Variants in BRPF3 observed in about 807,000 individuals in gnomAD.
BRPF3 encodes bromodomain and PHD finger containing 3.
A neutral mutation model predicts 102.0 loss-of-function variants in BRPF3; 18 were observed. That is an observed-to-expected ratio of 0.18 (90% CI 0.12 to 0.26). The LOEUF (loss-of-function observed/expected upper bound fraction) is 0.26, where lower values mean the gene tolerates loss of function less well. BRPF3 is among the 10% of genes least tolerant of loss of function. The pLI, the probability that BRPF3 is intolerant of heterozygous loss-of-function variation, is 1.00. For missense variants in BRPF3, 1,147 were observed against 1,567.8 expected, an observed-to-expected ratio of 0.73 and a Z score of 4.53; for synonymous variants, 570 against 614.2, an observed-to-expected ratio of 0.93 and a Z score of 1.06.
At chr6:36,215,062 G>A (rs898392909) in intron 8 of BRPF3, among the ~76,000 whole-genome samples, 1 of 152,116 alleles carries the variant, frequency 6.6e-6, no homozygotes, top group Non-Finnish European at 1.5e-5. Context: ...GGGGTGGGGT[G>A]AGGTGGTGAT....
chr6:36,211,152 C>G (rs1362400332), intron 6 of BRPF3, 106 bp from the exon 7 acceptor site: 2 of 1,300,556 alleles, frequency 1.5e-6, no homozygotes, highest in Non-Finnish European at 2.1e-6. Flanking sequence ...GCTGCTGGCC[C>G]AGGCATTCCA....
At chr6:36,219,710 A>G (rs1216719508) in intron 9 of BRPF3, among the ~76,000 whole-genome samples, 3 of 152,112 alleles carry the variant, frequency 2.0e-5, no homozygotes, top group Admixed American at 1.3e-4. Flanking sequence ...AAAATAGGAG[A>G]TCCAAAGGCT....
rs1768051499 is a variant in BRPF3 at position 36,210,208 on chromosome 6, A to G, written c.1867-8A>G. ...GTTGTTGTAATTGTACAGGTTTTAT[A>G]TGTTTAGGTTCCAGATTACCTGGAA... On this transcript the variant is annotated splice_region_variant and splice_polypyrimidine_tract_variant and intron_variant, in intron 5 of 12. Coordinates refer to ENST00000357641, the MANE Select transcript of BRPF3 (RefSeq NM_015695.3). This position sits in a 1 kb window ranked among gnomAD's most constrained non-coding sequence, Gnocchi z 4.7. 6.2e-7 allele frequency: 1 copy of G among 1,613,954 alleles called. No individual in the cohort carries two copies. The highest frequency in any genetic ancestry group is 8.5e-7 in the Non-Finnish European group (1 of 1,179,872).
chr6:36,215,357 G>A lies in BRPF3; in HGVS notation c.2989+971G>A, dbSNP rs527364403. 1.6e-3 allele frequency among the ~76,000 whole-genome samples: 247 copies of A among 152,250 alleles called. 5 individuals carry two copies. Among genetic ancestry groups the A allele is most frequent in the Admixed American group, 8.8e-3 (134 of 15,292 alleles). ...TCACCTGACCTCAAGTGATTTGCCC[G>A]CCTCAGCCTCCCAAAGTGATGGGAT... On this transcript the variant is annotated intron_variant, in intron 8 of 12. Transcript: ENST00000357641.
rs905467249 is a variant in BRPF3 at position 36,224,564 on chromosome 6, G to A, written c.3182-703G>A. Among the ~76,000 whole-genome samples the A allele has an allele frequency of 3.3e-5, 5 of 152,206 alleles. No individual in the cohort carries two copies. The East Asian group carries it at 9.6e-4, about 29-fold the overall frequency. On this transcript the variant is annotated intron_variant, in intron 10 of 12. Transcript: ENST00000357641. ...GTCCTAGATGGCTAGGTGTGACCCT[G>A]TCAGAAAATAACTCAGTTAGCAAGT... is the stretch of plus-strand genomic sequence containing the variant.
chr6:36,217,859 A>G lies in BRPF3; in HGVS notation c.2990-58A>G. ...TCCTGAGGTGGCTGCCTCACCCTGTAGCATGTGTTGGGAAGGGGGATTTCT... is the reference window on the plus strand; with the variant it reads ...TCCTGAGGTGGCTGCCTCACCCTGTGGCATGTGTTGGGAAGGGGGATTTCT... On this transcript the variant is annotated intron_variant, in intron 8 of 12. Coordinates refer to ENST00000357641, the MANE Select transcript of BRPF3 (RefSeq NM_015695.3). 2.0e-6 allele frequency: 3 copies of G among 1,503,436 alleles called. No individual in the cohort carries two copies. In the South Asian group the frequency reaches 3.5e-5, roughly 18 times the overall value. The allele number at this position is 1,503,436 out of a possible 1,614,324, so 93.1% of individuals were successfully genotyped here.
At position 36,200,880 on chromosome 6, in the gene BRPF3, G is replaced by C; in HGVS notation, c.558G>C (p.Leu186=). The change falls in exon 2 of 13, where the codon CTG becomes CTC. Residue 186 remains leucine, a synonymous_variant. Coordinates refer to ENST00000357641, the MANE Select transcript of BRPF3 (RefSeq NM_015695.3). The surrounding 1 kb of genome is among the most constrained non-coding windows in gnomAD (Gnocchi z 5.3). The part of the protein sequence containing the change: ...HSLVSADTFE[L]LVDRLEKESY... ...TGGTGTCTGCAGATACCTTTGAGCT[G>C]CTGGTAGACCGGCTTGAGAAAGAGT... The C allele has an allele frequency of 6.2e-7, 1 of 1,614,214 alleles. No homozygotes were observed. The highest frequency in any genetic ancestry group is 1.6e-4 in the Middle Eastern group (1 of 6,062).
At position 36,201,502 on chromosome 6, in the gene BRPF3, G is replaced by A; in HGVS notation, c.1180G>A (p.Ala394Thr). The A allele has an allele frequency of 6.2e-7, 1 of 1,614,236 alleles. No homozygotes were observed. The highest frequency in any genetic ancestry group is 2.2e-5 in the East Asian group (1 of 44,880). ...CCACTCGCCACCAGGTGCGGCCACT[G>A]CTAGGAGGAAGGGCGACTCCCCTAG... Reference protein sequence around the residue: ...EAHSPPGAATARRKGDSPRSI... With the variant: ...EAHSPPGAATTRRKGDSPRSI... The change falls in exon 2 of 13, where the codon GCT (alanine) becomes ACT (threonine). Residue 394 changes from alanine to threonine, a missense_variant. This residue lies in a region of BRPF3 where 157 missense variants were observed against 163.6 expected (regional missense o/e 0.96). Coordinates refer to ENST00000357641, the MANE Select transcript of BRPF3 (RefSeq NM_015695.3). The surrounding 1 kb of genome is among the most constrained non-coding windows in gnomAD (Gnocchi z 5.1).
At position 36,214,460 on chromosome 6, in the gene BRPF3, C is replaced by T. The variant is rs1316949072; in HGVS notation, c.2989+74C>T. 4.1e-6 allele frequency: 6 copies of T among 1,467,864 alleles called. No individual in the cohort carries two copies. In the Admixed American group the frequency reaches 1.2e-4, roughly 30 times the overall value. The allele number at this position is 1,467,864 out of a possible 1,614,324, so 90.9% of individuals were successfully genotyped here. A position where few individuals can be genotyped will look rare whatever the true frequency, so the allele number is the denominator to read the frequency against. On this transcript the variant is annotated intron_variant, in intron 8 of 12. Transcript: ENST00000357641. Reference sequence around the variant, plus strand: ...TTTGCCTTGCCAACCAGCACCTTCCCCAATTGGCCATCTCTCTAATGGCAC... The same window carrying T: ...TTTGCCTTGCCAACCAGCACCTTCCTCAATTGGCCATCTCTCTAATGGCAC...
chr6:36,201,889 A>C lies in BRPF3; in HGVS notation c.1448+119A>C. On this transcript the variant is annotated intron_variant, in intron 2 of 12. Transcript: ENST00000357641. This position sits in a 1 kb window ranked among gnomAD's most constrained non-coding sequence, Gnocchi z 5.1. Reference sequence around the variant, plus strand: ...ACTATATCCTCCTCCCCGAATTTAAACTCTTCCTTTTGACCCCAGGCTCAC... The same window carrying C: ...ACTATATCCTCCTCCCCGAATTTAACCTCTTCCTTTTGACCCCAGGCTCAC... The C allele has an allele frequency of 1.4e-6, 2 of 1,410,138 alleles. No homozygotes were observed. Among genetic ancestry groups the C allele is most frequent in the Admixed American group, 2.6e-5 (1 of 38,002 alleles). 87.4% of individuals were successfully genotyped at this position (1,410,138 alleles called of 1,614,324 possible). A position where few individuals can be genotyped will look rare whatever the true frequency, so the allele number is the denominator to read the frequency against.
At chr6:36,223,294 T>C (rs1437412917) in intron 10 of BRPF3, among the ~76,000 whole-genome samples, 5 of 152,238 alleles carry the variant, frequency 3.3e-5, no homozygotes, top group African/African-American at 1.2e-4. Flanking sequence ...TGTTGATGAA[T>C]GCATGCCTGT....
Position 36,224,091 on chromosome 6 carries a change from G to C in BRPF3, c.3182-1176G>C, listed in dbSNP as rs114677079. 5.0e-3 allele frequency among the ~76,000 whole-genome samples: 763 copies of C among 152,304 alleles called. 4 individuals carry two copies. Among genetic ancestry groups the C allele is most frequent in the African/African-American group, 0.017 (687 of 41,554 alleles). On this transcript the variant is annotated intron_variant, in intron 10 of 12. Transcript: ENST00000357641. ...AAAATTACAAGTGGAGTTAAGCACA[G>C]TAGCTCATGCCTGTAATTCCAGCAC...
intron 9 of BRPF3, among the ~76,000 whole-genome samples, chr6:36,220,333 T>C (rs1215777077): frequency 6.6e-6 from 1 of 152,228 alleles, no homozygotes; most frequent in Non-Finnish European, 1.5e-5. Context: ...TAACTACAGC[T>C]GTGTTTATTG....
chr6:36,204,372 A>T, intron 2 of BRPF3: 1 of 429,092 alleles, frequency 2.3e-6, no homozygotes, highest in Non-Finnish European at 4.3e-6. Flanking sequence ...TACGTGGAAC[A>T]AGGAAGTCCA....
chr6:36,217,826 C>A, intron 8 of BRPF3, 91 bp from the exon 9 acceptor site: 1 of 1,015,816 alleles, frequency 9.8e-7, no homozygotes, highest in Non-Finnish European at 1.5e-6. Context: ...CCACTCGTCA[C>A]TGAGCCCTCC....
At chr6:36,212,532 C>T (rs1052718704) in intron 7 of BRPF3, among the ~76,000 whole-genome samples, 1 of 137,202 alleles carries the variant, frequency 7.3e-6, no homozygotes, top group African/African-American at 2.8e-5. Context: ...GGGGCTGTGG[C>T]AGTACAGAGT....
rs146114078 is a variant in BRPF3, at chr6:36,200,616, A to T, written c.294A>T (p.Lys98Asn). 1.5e-4 allele frequency: 238 copies of T among 1,614,062 alleles called. No homozygotes were observed. Among genetic ancestry groups the T allele is most frequent in the Non-Finnish European group, 2.0e-4 (237 of 1,180,034 alleles). Reference protein sequence around the residue: ...GKSKKPSSKGKKKESCSKHAS... With the variant: ...GKSKKPSSKGNKKESCSKHAS... ...CCAAGAAACCCTCATCCAAGGGCAA[A>T]AAGAAGGAATCCTGCTCCAAGCATG... Residue 98 changes from lysine (K) to asparagine (N), a missense_variant, in exon 2 of 13, where the codon AAA becomes AAT. Around this residue, in one of 11 missense-constraint regions of BRPF3, gnomAD observed 221 missense variants for 337.1 expected, o/e 0.66. Coordinates refer to ENST00000357641, the MANE Select transcript of BRPF3 (RefSeq NM_015695.3). This position sits in a 1 kb window ranked among gnomAD's most constrained non-coding sequence, Gnocchi z 5.3.
Position 36,201,339 on chromosome 6 carries a change from C to T in BRPF3, c.1017C>T (p.Cys339=), listed in dbSNP as rs374376020. The part of the protein sequence containing the change: ...KQKGLGAAIQ[C]HKVNCYTAFH... ...AAGGGCTAGGTGCAGCCATCCAGTG[C>T]CATAAGGTGAACTGCTACACAGCAT... Residue 339 remains cysteine (C), a synonymous_variant, in exon 2 of 13, where the codon TGC becomes TGT. Transcript: ENST00000357641. This position sits in a 1 kb window ranked among gnomAD's most constrained non-coding sequence, Gnocchi z 5.1. 13 of 1,614,126 alleles carry T rather than the reference C, an allele frequency of 8.1e-6. No individual in the cohort carries two copies. The African/African-American group carries it at 1.6e-4, about 20-fold the overall frequency.
chr6:36,210,458 C>A lies in BRPF3; in HGVS notation c.2109C>A (p.Asp703Glu). 6.2e-7 allele frequency: 1 copy of A among 1,608,600 alleles called. No homozygotes were observed. Reference protein sequence around the residue: ...ARRQAENIGYDPERGTHLPES... With the variant: ...ARRQAENIGYEPERGTHLPES... The stretch of plus-strand genomic sequence containing the variant: ...GGCAGGCAGAGAACATCGGCTATGA[C>A]CCCGAGAGGGGCACTCACCTGCCCG... Residue 703 changes from aspartate to glutamate, a missense_variant, in exon 6 of 13, where the codon GAC (aspartate) becomes GAA (glutamate). By Grantham distance (45) the Asp-to-Glu change is conservative. Around this residue, in one of 11 missense-constraint regions of BRPF3, gnomAD observed 109 missense variants for 175.1 expected, o/e 0.62. Transcript: ENST00000357641. The surrounding 1 kb of genome is among the most constrained non-coding windows in gnomAD (Gnocchi z 4.7).
Sources: gnomAD v4.1 joint callset for allele counts (sites outside exome capture counted in the v4.1 genomes callset) on GRCh38, gnomAD v4.1.1 for gene constraint, gnomAD v4.1.1 regional missense constraint, Gnocchi (gnomAD v3.1) non-coding constraint, MANE v1.5 for transcripts, NCBI Gene and HGNC (gene_info 2026-07-23, HGNC 2026-07-21) for gene names.